Variants in GLUD1 observed in about 807,000 individuals in gnomAD.
GLUD1 encodes glutamate dehydrogenase 1, mitochondrial.
In GLUD1, 22 loss-of-function variants were observed where a neutral mutation model predicts 56.0. That is an observed-to-expected ratio of 0.39 (90% CI 0.28 to 0.56). GLUD1 has a LOEUF of 0.56. Among genes scored for constraint, GLUD1 ranks in the 20% least tolerant of loss-of-function variants. The pLI is 0.58. For missense variants in GLUD1, 451 were observed against 732.0 expected (o/e 0.62, Z 4.43); for synonymous variants, 223 against 269.9 (o/e 0.83, Z 1.70).
chr10:87,073,339 A>C (rs1294769981), intron 4 of GLUD1, among the ~76,000 whole-genome samples: 1 of 151,992 alleles, frequency 6.6e-6, no homozygotes, highest in Non-Finnish European at 1.5e-5. Context: ...TTTTTTGTAG[A>C]GATGGGGTCT....
At position 87,051,516 on chromosome 10, in the gene GLUD1, T is replaced by C; in HGVS notation, c.*235A>G. ...GGAGGCTTTTTATTTAAAGGCAAAA[T>C]ACCAAAATGGCTCTCTGGTGTAGGT... On this transcript the variant is annotated 3_prime_UTR_variant, in exon 13 of 13. Coordinates refer to ENST00000277865, the MANE Select transcript of GLUD1 (RefSeq NM_005271.5). 1.7e-6 allele frequency: 1 copy of C among 584,056 alleles called. No homozygotes were observed. The highest frequency in any genetic ancestry group is 2.9e-5 in the Admixed American group (1 of 34,118). The allele number at this position is 584,056 out of a possible 1,614,324, so 36.2% of individuals were successfully genotyped here. A position where few individuals can be genotyped will look rare whatever the true frequency, so the allele number is the denominator to read the frequency against.
At chr10:87,093,803 TAAA>T in intron 1 of GLUD1, 1 of 665,942 alleles carries the variant, frequency 1.5e-6, no homozygotes, top group Non-Finnish European at 2.3e-6. Flanking sequence ...CTTTGGTTAA[TAAA>T]ACTGTCTAGA....
intron 11 of GLUD1, among the ~76,000 whole-genome samples, chr10:87,055,854 G>A (rs986569223): frequency 2.6e-5 from 4 of 151,992 alleles, no homozygotes; most frequent in East Asian, 3.9e-4. Flanking sequence ...GGTGGCTCAC[G>A]CCTGTAATCC....
chr10:87,085,843 AG>A lies in GLUD1; in HGVS notation c.445+8481del, dbSNP rs1283737070. ...GACAGATGGAAGATTATACATTAAA[AG>A]GGGGATTTTGTTAATTTTTCTTGGT... On this transcript the variant is annotated intron_variant, in intron 1 of 12. Coordinates refer to ENST00000277865, the MANE Select transcript of GLUD1 (RefSeq NM_005271.5). 2.0e-5 allele frequency among the ~76,000 whole-genome samples: 3 copies of A among 152,208 alleles called. No individual in the cohort carries two copies. In the East Asian group the frequency reaches 5.8e-4, roughly 29 times the overall value.
intron 11 of GLUD1, among the ~76,000 whole-genome samples, chr10:87,055,970 G>C (rs1475877804): frequency 6.6e-6 from 1 of 151,678 alleles, no homozygotes. Flanking sequence ...AAAAAAATTA[G>C]CTGGGTGTGG....
In GLUD1 at chr10:87,059,235, G is replaced by A; in HGVS notation, c.1317C>T (p.Tyr439=). The change falls in exon 10 of 13, where the codon TAC becomes TAT. Residue 439 remains tyrosine, a synonymous_variant. Coordinates refer to ENST00000277865, the MANE Select transcript of GLUD1 (RefSeq NM_005271.5). ...YLNAGGVTVS[Y]FEWLKNLNHV... is the part of the protein sequence containing the mutation. Reference sequence around the variant, plus strand: ...GATTTAGATTCTTCAGCCACTCAAAGTAAGATACTGTCACTCCTCCAGCAT... The same window carrying A: ...GATTTAGATTCTTCAGCCACTCAAAATAAGATACTGTCACTCCTCCAGCAT... 6.2e-7 allele frequency: 1 copy of A among 1,613,758 alleles called. No homozygotes were observed. Among genetic ancestry groups the A allele is most frequent in the African/African-American group, 1.3e-5 (1 of 75,036 alleles).
intron 6 of GLUD1, among the ~76,000 whole-genome samples, chr10:87,061,898 G>A (rs1027551718): frequency 2.0e-5 from 3 of 151,940 alleles, no homozygotes; most frequent in Admixed American, 6.6e-5. Context: ...ATTCTCCTGC[G>A]TCAGCCTCCA....
intron 1 of GLUD1, among the ~76,000 whole-genome samples, chr10:87,093,217 G>A (rs1257140119): frequency 6.6e-6 from 1 of 152,344 alleles, no homozygotes; most frequent in African/African-American, 2.4e-5. Flanking sequence ...AAAGACCACA[G>A]AACCAGGTTT....
At position 87,052,627 on chromosome 10, in the gene GLUD1, G is replaced by A. The variant is rs560317111; in HGVS notation, c.1557+715C>T. On this transcript the variant is annotated intron_variant, in intron 12 of 12. Coordinates refer to ENST00000277865, the MANE Select transcript of GLUD1 (RefSeq NM_005271.5). ...GGAGGTTACAGTGAGCTGAAAGTGC[G>A]CCACTGCACTCTAGCCTGGGCAACA... Among the ~76,000 whole-genome samples, 31 of 123,196 alleles carry A rather than the reference G, an allele frequency of 2.5e-4. 1 individual carries two copies. In the South Asian group the frequency reaches 7.6e-3, roughly 30 times the overall value. The allele number at this position is 123,196 out of a possible 152,430, so 80.8% of individuals were successfully genotyped here. A position where few individuals can be genotyped will look rare whatever the true frequency, so the allele number is the denominator to read the frequency against.
chr10:87,063,593 A>G (rs1353470011), intron 5 of GLUD1, among the ~76,000 whole-genome samples: 1 of 152,134 alleles, frequency 6.6e-6, no homozygotes, highest in African/African-American at 2.4e-5. Flanking sequence ...AGCCTGAGAC[A>G]GGAAGAGGCT....
chr10:87,065,167 C>T (rs568945469), intron 5 of GLUD1, among the ~76,000 whole-genome samples: 1 of 150,856 alleles, frequency 6.6e-6, no homozygotes, highest in East Asian at 2.0e-4. Context: ...GTGGCAGGCA[C>T]CTGTAATCCC....
chr10:87,064,641 T>C (rs966414767), intron 5 of GLUD1, among the ~76,000 whole-genome samples: 26 of 152,216 alleles, frequency 1.7e-4, no homozygotes, highest in African/African-American at 5.5e-4. Context: ...CTTAGAATTA[T>C]ATTATTTGTG....
In GLUD1 at chr10:87,094,689, G is replaced by A. The variant is rs1589394595; in HGVS notation, c.81C>T (p.Ala27=). The A allele has an allele frequency of 3.3e-6, 5 of 1,499,346 alleles. No individual in the cohort carries two copies. Among genetic ancestry groups the A allele is most frequent in the Middle Eastern group, 2.4e-4 (1 of 4,220 alleles). The allele number at this position is 1,499,346 out of a possible 1,614,324, so 92.9% of individuals were successfully genotyped here. A position where few individuals can be genotyped will look rare whatever the true frequency, so the allele number is the denominator to read the frequency against. The part of the protein sequence containing the change: ...AALGSASADS[A]ALLGWARGQP... Reference sequence around the variant, plus strand: ...GTCCCCGGGCCCAGCCCAGCAACGCGGCCGAGTCGGCGGACGCCGAGCCCA... The same window carrying A: ...GTCCCCGGGCCCAGCCCAGCAACGCAGCCGAGTCGGCGGACGCCGAGCCCA... The change falls in exon 1 of 13, where the codon GCC becomes GCT. Residue 27 remains alanine (A), a synonymous_variant. Coordinates refer to ENST00000277865, the MANE Select transcript of GLUD1 (RefSeq NM_005271.5). The surrounding 1 kb of genome is among the most constrained non-coding windows in gnomAD (Gnocchi z 6.6).
chr10:87,083,480 T>C (rs914410587), intron 1 of GLUD1, among the ~76,000 whole-genome samples: 15 of 152,172 alleles, frequency 9.9e-5, no homozygotes, highest in African/African-American at 3.4e-4. Flanking sequence ...AATCTTAAAA[T>C]ATTTAAGCCA....
chr10:87,059,140 C>T lies in GLUD1; in HGVS notation c.1402+10G>A, dbSNP rs202067232. The T allele has an allele frequency of 2.1e-4, 343 of 1,612,288 alleles. No homozygotes were observed. Among genetic ancestry groups the T allele is most frequent in the Non-Finnish European group, 2.7e-4 (316 of 1,179,916 alleles). On this transcript the variant is annotated intron_variant, in intron 10 of 12. Coordinates refer to ENST00000277865, the MANE Select transcript of GLUD1 (RefSeq NM_005271.5). ...GATGAGTTTTGGCGAACAAGATTAT[C>T]GATACTCACTGAGCAAGTGGTAGTT...
chr10:87,067,559 G>A (rs1846112191), intron 5 of GLUD1, among the ~76,000 whole-genome samples: 1 of 152,112 alleles, frequency 6.6e-6, no homozygotes, highest in Admixed American at 6.5e-5. Context: ...TTATAAATAT[G>A]CCTTACCTTC....
At position 87,061,009 on chromosome 10, in the gene GLUD1, C is replaced by T. The variant is rs121909737; in HGVS notation, c.965G>A (p.Arg322His). The T allele has an allele frequency of 6.2e-7, 1 of 1,613,762 alleles. No individual in the cohort carries two copies. ...AACAGCAATACATTTAGCACCAAAA[C>T]GATGTAAATATCTCATAGAGTGTAG... ...VGLHSMRYLHRFGAKCIAVGE... is the reference protein window; with the variant it reads ...VGLHSMRYLHHFGAKCIAVGE... The change falls in exon 7 of 13, where the codon CGT (arginine) becomes CAT (histidine). Residue 322 changes from arginine to histidine, a missense_variant. Transcript: ENST00000277865.
chr10:87,068,794 T>C (rs1846144376), intron 4 of GLUD1, among the ~76,000 whole-genome samples: 2 of 152,014 alleles, frequency 1.3e-5, no homozygotes, highest in Non-Finnish European at 2.9e-5. Context: ...TTTAGGCTAA[T>C]AAATTAGCTT....
At chr10:87,056,079 G>A (rs1436238175) in intron 11 of GLUD1, among the ~76,000 whole-genome samples, 6 of 120,486 alleles carry the variant, frequency 5.0e-5, no homozygotes. Context: ...TCGCACCACT[G>A]CACTCCAGCC....
Sources: gnomAD v4.1 joint callset for allele counts (sites outside exome capture counted in the v4.1 genomes callset) on GRCh38, gnomAD v4.1.1 for gene constraint, Gnocchi (gnomAD v3.1) non-coding constraint, MANE v1.5 for transcripts, NCBI Gene and HGNC (gene_info 2026-07-23, HGNC 2026-07-21) for gene names.